Variants in ZFYVE26 observed in about 807,000 individuals in gnomAD.
ZFYVE26 encodes the protein zinc finger FYVE-type containing 26.
Under a neutral mutation model 276.5 loss-of-function variants are expected in ZFYVE26, and 181 were observed. The observed-to-expected ratio is 0.65, with a 90% CI of 0.58 to 0.74. The LOEUF (loss-of-function observed/expected upper bound fraction) is 0.74. ZFYVE26 is among the 30% of genes least tolerant of loss of function. The pLI is 0.00. For missense variants in ZFYVE26, 2,821 were observed against 3,097.9 expected, an observed-to-expected ratio of 0.91 and a Z score of 2.12; for synonymous variants, 1,129 against 1,203.1, an observed-to-expected ratio of 0.94 and a Z score of 1.27.
At chr14:67,814,434 G>A (rs1255336191) in intron 2 of ZFYVE26, among the ~76,000 whole-genome samples, 3 of 152,070 alleles carry the variant, frequency 2.0e-5, no homozygotes, top group Non-Finnish European at 2.9e-5. Context: ...CAGGAGAATC[G>A]CTTGAACCTG....
At chr14:67,794,379 A>G in intron 12 of ZFYVE26, 140 bp from the exon 13 acceptor site, 2 of 850,858 alleles carry the variant, frequency 2.4e-6, no homozygotes, top group Non-Finnish European at 2.0e-6. Context: ...TGCTCCTTCT[A>G]CAGCAAAACA....
chr14:67,789,925 A>T (rs2039766211), intron 15 of ZFYVE26, among the ~76,000 whole-genome samples: 1 of 152,248 alleles, frequency 6.6e-6, no homozygotes, highest in Non-Finnish European at 1.5e-5. Context: ...GGTAGACTAT[A>T]GTATTGTCCT....
At chr14:67,748,812 T>C (rs993224455) in intron 41 of ZFYVE26, among the ~76,000 whole-genome samples, 173 bp from the exon 42 acceptor site, 2 of 152,218 alleles carry the variant, frequency 1.3e-5, no homozygotes, top group Admixed American at 1.3e-4. Flanking sequence ...TCTGGACATA[T>C]GCTATAACAC....
chr14:67,757,145 T>G (rs776857590), intron 35 of ZFYVE26, among the ~76,000 whole-genome samples: 1 of 152,198 alleles, frequency 6.6e-6, no homozygotes, highest in African/African-American at 2.4e-5. Flanking sequence ...CCTGCCATCA[T>G]CGTTTGTCTG....
At chr14:67,795,299 A>C (rs2039928401) in intron 12 of ZFYVE26, among the ~76,000 whole-genome samples, 1 of 152,306 alleles carries the variant, frequency 6.6e-6, no homozygotes, top group Admixed American at 6.5e-5. Context: ...CGCAACCTTG[A>C]AGCTTTCTCT....
intron 9 of ZFYVE26, among the ~76,000 whole-genome samples, chr14:67,803,325 T>C (rs1416088923): frequency 6.6e-6 from 1 of 152,100 alleles, no homozygotes; most frequent in East Asian, 1.9e-4. Context: ...AAAAAAGGCT[T>C]TGTTCCCGTT....
chr14:67,745,780 G>A (rs533097262), downstream of ZFYVE26, among the ~76,000 whole-genome samples: 5 of 151,804 alleles, frequency 3.3e-5, no homozygotes, highest in East Asian at 9.6e-4. Context: ...TGTAATTCTA[G>A]CACTTTGGGA....
In ZFYVE26 at chr14:67,747,617, G is replaced by C. The variant is rs572957445; in HGVS notation, c.*819C>G. Reference sequence around the variant, plus strand: ...TTTGCAGCAGGGACATTCACAACAGGCAGCTCTGTGCTTGTGAGCACCCGC... The same window carrying C: ...TTTGCAGCAGGGACATTCACAACAGCCAGCTCTGTGCTTGTGAGCACCCGC... On this transcript the variant is annotated 3_prime_UTR_variant, in exon 42 of 42. Transcript: ENST00000347230. 6.6e-6 allele frequency: 1 copy of C among 152,230 alleles called. No homozygotes were observed. Among genetic ancestry groups the C allele is most frequent in the Non-Finnish European group, 1.5e-5 (1 of 68,170 alleles). 9.4% of individuals were successfully genotyped at this position (152,230 alleles called of 1,614,324 possible). A position where few individuals can be genotyped will look rare whatever the true frequency, so the allele number is the denominator to read the frequency against.
chr14:67,799,655 G>A (rs1389374680), intron 10 of ZFYVE26: 3 of 1,291,664 alleles, frequency 2.3e-6, no homozygotes, highest in Admixed American at 1.7e-5. Context: ...TTGATGCCAT[G>A]GTAGGCAAGG....
At chr14:67,790,946 A>AC in intron 14 of ZFYVE26, among the ~76,000 whole-genome samples, 173 bp from the exon 15 acceptor site, 1 of 152,364 alleles carries the variant, frequency 6.6e-6, no homozygotes, top group South Asian at 2.1e-4. Context: ...AAAATAATTC[A>AC]TAAAAGTAAG....
At chr14:67,751,023 C>A in intron 41 of ZFYVE26, 29 bp downstream of exon 41, 2 of 1,614,108 alleles carry the variant, frequency 1.2e-6, no homozygotes, top group Non-Finnish European at 1.7e-6. Flanking sequence ...TCATTGGCAT[C>A]ACCAGCGTTT....
chr14:67,756,871 T>C (rs1441409688), intron 35 of ZFYVE26, among the ~76,000 whole-genome samples: 2 of 152,234 alleles, frequency 1.3e-5, no homozygotes, highest in Non-Finnish European at 2.9e-5. Flanking sequence ...TCCAATTGTC[T>C]ACTGAACATG....
chr14:67,783,185 C>T lies in ZFYVE26; in HGVS notation c.3967G>A (p.Ala1323Thr), dbSNP rs137913651. 9.3e-6 allele frequency: 15 copies of T among 1,610,850 alleles called. No individual in the cohort carries two copies. Among genetic ancestry groups the T allele is most frequent in the South Asian group, 8.8e-5 (8 of 90,748 alleles). Residue 1323 changes from alanine (A) to threonine (T), a missense_variant, in exon 21 of 42, where the codon GCT becomes ACT. Ala to Thr is a moderately conservative substitution (Grantham distance 58). Coordinates refer to ENST00000347230, the MANE Select transcript of ZFYVE26 (RefSeq NM_015346.4). ...TTGCTGACCTTTAACCTCGGGGAAG[C>T]CCCCAGGCAGGCCACCGTAGCTAGG... The part of the protein sequence containing the change: ...KLLATVACLG[A>T]SPRLKVSKPS...
chr14:67,814,998 G>A (rs1007171782), intron 2 of ZFYVE26, among the ~76,000 whole-genome samples: 10 of 152,202 alleles, frequency 6.6e-5, no homozygotes, highest in Non-Finnish European at 1.5e-5. Flanking sequence ...ATCACCAGGA[G>A]GAACTTCATT....
rs2040214200 is a variant in ZFYVE26 at position 67,807,703 on chromosome 14, A to C, written c.581T>G (p.Val194Gly). Reference sequence around the variant, plus strand: ...CCGCAATGCCTTTCGAATGAGGTCCACCAGTGCATTCTGCAGAGGCCAGTG... The same window carrying C: ...CCGCAATGCCTTTCGAATGAGGTCCCCCAGTGCATTCTGCAGAGGCCAGTG... ...LCHWPLQNAL[V>G]DLIRKALRAL... Residue 194 changes from valine to glycine, a missense_variant, in exon 5 of 42, where the codon GTG becomes GGG. Transcript: ENST00000347230. 6.2e-7 allele frequency: 1 copy of C among 1,614,174 alleles called. No individual in the cohort carries two copies. The highest frequency in any genetic ancestry group is 8.5e-7 in the Non-Finnish European group (1 of 1,180,030).
intron 14 of ZFYVE26, among the ~76,000 whole-genome samples, chr14:67,792,826 C>T (rs752778371): frequency 6.0e-5 from 8 of 134,108 alleles, no homozygotes; most frequent in Non-Finnish European, 9.1e-5. Flanking sequence ...GCAGGAGAAT[C>T]GGTTGAACAT....
rs771756074 is a variant in ZFYVE26, at chr14:67,767,828, G to T, written c.5666C>A (p.Ser1889Tyr). Residue 1889 changes from serine (S) to tyrosine (Y), a missense_variant, in exon 31 of 42, where the codon TCC (serine) becomes TAC (tyrosine). Coordinates refer to ENST00000347230, the MANE Select transcript of ZFYVE26 (RefSeq NM_015346.4). Reference protein sequence around the residue: ...PSEKPEALDSSKNESPPYSFV... With the variant: ...PSEKPEALDSYKNESPPYSFV... ...CGAGTATGGAGGGCTTTCATTCTTG[G>T]AGCTGTCTAGAGCTGAGAAGAGAAA... The T allele has an allele frequency of 1.2e-6, 2 of 1,614,144 alleles. No individual in the cohort carries two copies. The highest frequency in any genetic ancestry group is 3.3e-5 in the Admixed American group (2 of 60,018).
In ZFYVE26 at chr14:67,777,577, C is replaced by A; in HGVS notation, c.4956G>T (p.Ala1652=). 6.2e-7 allele frequency: 1 copy of A among 1,613,982 alleles called. No homozygotes were observed. Among genetic ancestry groups the A allele is most frequent in the Non-Finnish European group, 8.5e-7 (1 of 1,179,998 alleles). ...LTAVRHREIQ[A]LYVGSKILLT... ...TCCTTACCTTGGATCCCACATACAG[C>A]GCCTGGATTTCACGGTGTCGGACAG... Residue 1652 remains alanine (A), a synonymous_variant, in exon 25 of 42, where the codon GCG becomes GCT. Transcript: ENST00000347230.
At chr14:67,780,195 ACT>A (rs758909596) in intron 23 of ZFYVE26, 44 bp downstream of exon 23, 1 of 1,547,142 alleles carries the variant, frequency 6.5e-7, no homozygotes, top group East Asian at 2.3e-5. Context: ...AGGGGTTGTA[ACT>A]CTGAAAGGAG....
Sources: allele counts gnomAD v4.1 joint callset (sites outside exome capture counted in the v4.1 genomes callset), GRCh38; gene constraint gnomAD v4.1.1; transcripts MANE v1.5; gene names NCBI Gene and HGNC (gene_info 2026-07-23, HGNC 2026-07-21).